LRP1B: variants seen among roughly 807,000 people sequenced by gnomAD.
The protein encoded by LRP1B is low-density lipoprotein receptor-related protein 1B.
A neutral mutation model predicts 556.6 loss-of-function variants in LRP1B; 217 were observed. The observed-to-expected ratio is 0.39, with a 90% confidence interval of 0.35 to 0.44. LRP1B has a LOEUF of 0.44. LRP1B is among the 20% of genes least tolerant of loss of function. LRP1B has a pLI of 1.00. For synonymous variants in LRP1B, 2,047 were observed against 1,865.8 expected, an observed-to-expected ratio of 1.10 and a Z score of -2.50; for missense variants, 5,053 against 5,620.8, an observed-to-expected ratio of 0.90 and a Z score of 3.23.
intron 1 of LRP1B, among the ~76,000 whole-genome samples, chr2:141,851,149 A>G (rs1697842212): frequency 6.6e-6 from 1 of 151,804 alleles, no homozygotes; most frequent in African/African-American, 2.4e-5. Context: ...AAATGCATAG[A>G]AATCACTGGC....
chr2:140,915,720 AAGG>A (rs1694555430), intron 21 of LRP1B, among the ~76,000 whole-genome samples: 1 of 151,872 alleles, frequency 6.6e-6, no homozygotes, highest in South Asian at 2.1e-4. Flanking sequence ...CCTGGACAAA[AAGG>A]AGAATTGTTT....
intron 41 of LRP1B, among the ~76,000 whole-genome samples, chr2:140,661,651 A>G (rs67621419): frequency 0.17 from 25,679 of 152,154 alleles, 2,542 homozygotes; most frequent in East Asian, 0.4. Context: ...TGGGCAACAG[A>G]GCAAGATCCA....
intron 31 of LRP1B, among the ~76,000 whole-genome samples, chr2:140,834,524 C>T (rs1246134683): frequency 6.6e-6 from 1 of 152,126 alleles, no homozygotes; most frequent in Non-Finnish European, 1.5e-5. Flanking sequence ...AAGCGTGAGC[C>T]CCCGCGCCTG....
At chr2:141,453,936 A>AC (rs1246360820) in intron 3 of LRP1B, among the ~76,000 whole-genome samples, 1 of 150,048 alleles carries the variant, frequency 6.7e-6, no homozygotes. Flanking sequence ...GAAAAAAAAA[A>AC]GTTCTAGTGT....
intron 2 of LRP1B, among the ~76,000 whole-genome samples, chr2:141,566,263 A>G (rs951572549): frequency 6.6e-6 from 1 of 152,150 alleles, no homozygotes; most frequent in Non-Finnish European, 1.5e-5. Flanking sequence ...AACTCTGCCA[A>G]AAACAAACCC....
intron 2 of LRP1B, among the ~76,000 whole-genome samples, chr2:141,793,051 T>C (rs566073313): frequency 6.6e-6 from 1 of 152,070 alleles, no homozygotes; most frequent in South Asian, 2.1e-4. Context: ...TTTGGTTGAC[T>C]CCTCTGCTTG....
chr2:142,029,587 C>T (rs1432106649), intron 1 of LRP1B, among the ~76,000 whole-genome samples: 1 of 151,838 alleles, frequency 6.6e-6, no homozygotes, highest in South Asian at 2.1e-4. Flanking sequence ...AAACAATTTA[C>T]TAAAAAAGTG....
At chr2:140,411,422 T>C (rs1179728819) in intron 66 of LRP1B, among the ~76,000 whole-genome samples, 2 of 152,134 alleles carry the variant, frequency 1.3e-5, no homozygotes, top group East Asian at 1.9e-4. Context: ...TTCAAATATA[T>C]ATACTCCATT....
At chr2:141,642,859 T>G (rs1188088537) in intron 2 of LRP1B, among the ~76,000 whole-genome samples, 2 of 152,146 alleles carry the variant, frequency 1.3e-5, no homozygotes, top group African/African-American at 4.8e-5. Context: ...GTAGCGAGTC[T>G]TTTTTACCTA....
At chr2:140,601,962 G>A (rs1441466) in intron 41 of LRP1B, among the ~76,000 whole-genome samples, 1 of 151,668 alleles carries the variant, frequency 6.6e-6, no homozygotes, top group Non-Finnish European at 1.5e-5. Flanking sequence ...AATATCCAAC[G>A]TGCAACAACT....
chr2:141,797,146 CAT>C (rs6146945), intron 2 of LRP1B, among the ~76,000 whole-genome samples: 2,677 of 78,676 alleles, frequency 0.034, 33 homozygotes, highest in African/African-American at 0.063. Context: ...TGAAAATAAT[CAT>C]ATATATATAT....
chr2:140,678,114 G>A (rs1359805518), intron 41 of LRP1B, among the ~76,000 whole-genome samples: 1 of 152,090 alleles, frequency 6.6e-6, no homozygotes, highest in East Asian at 1.9e-4. Flanking sequence ...TCTTAATCAT[G>A]ATACTCCAAT....
At chr2:140,367,706 T>C (rs753278674) in intron 71 of LRP1B, among the ~76,000 whole-genome samples, 12 of 151,810 alleles carry the variant, frequency 7.9e-5, no homozygotes, top group Non-Finnish European at 1.3e-4. Context: ...AGTGAGTATA[T>C]TGCCTTAACT....
At chr2:141,119,386 T>C (rs1700986825) in intron 7 of LRP1B, among the ~76,000 whole-genome samples, 1 of 151,890 alleles carries the variant, frequency 6.6e-6, no homozygotes, top group South Asian at 2.1e-4. Context: ...TGCATTCTCT[T>C]TCAAAACATT....
chr2:141,959,834 C>T (rs1701353176), intron 1 of LRP1B, among the ~76,000 whole-genome samples: 1 of 151,818 alleles, frequency 6.6e-6, no homozygotes, highest in African/African-American at 2.4e-5. Flanking sequence ...TGGCTGGTAG[C>T]TACTGCATTG....
intron 1 of LRP1B, among the ~76,000 whole-genome samples, chr2:141,866,975 G>A (rs1236487397): frequency 6.6e-6 from 1 of 152,112 alleles, no homozygotes; most frequent in Non-Finnish European, 1.5e-5. Context: ...CTGTGGAGTG[G>A]ATGACGTATC....
At position 140,323,961 on chromosome 2, in the gene LRP1B, T is replaced by A; in HGVS notation, c.12446A>T (p.Glu4149Val). 2.5e-6 allele frequency: 4 copies of A among 1,600,398 alleles called. No homozygotes were observed. The highest frequency in any genetic ancestry group is 3.4e-6 in the Non-Finnish European group (4 of 1,168,174). Residue 4149 changes from glutamate (E) to valine (V), a missense_variant, in exon 81 of 91, where the codon GAG becomes GTG. Physicochemically the swap from Glu to Val is moderately radical, Grantham distance 121. This residue lies in a region of LRP1B where 551 missense variants were observed against 592.0 expected (regional missense o/e 0.93). Coordinates refer to ENST00000389484, the MANE Select transcript of LRP1B (RefSeq NM_018557.3). Reference sequence around the variant, plus strand: ...TTTATCAATATTTAAAGCTAAGTACTCTACTGAACCATGGCCAAATTTTTG... The same window carrying A: ...TTTATCAATATTTAAAGCTAAGTACACTACTGAACCATGGCCAAATTTTTG... Reference protein sequence around the residue: ...RVQKFGHGSVEYLALNIDKTK... With the variant: ...RVQKFGHGSVVYLALNIDKTK...
intron 35 of LRP1B, among the ~76,000 whole-genome samples, chr2:140,742,192 G>C (rs1465981216): frequency 6.6e-6 from 1 of 152,150 alleles, no homozygotes; most frequent in Non-Finnish European, 1.5e-5. Context: ...TCTCGTATTT[G>C]TCATAGGACC....
intron 3 of LRP1B, among the ~76,000 whole-genome samples, chr2:141,403,780 G>A (rs1690529679): frequency 6.6e-6 from 1 of 152,218 alleles, no homozygotes; most frequent in Non-Finnish European, 1.5e-5. Context: ...AGCGAATTCA[G>A]GTAATTCCAA....
Sources: allele counts gnomAD v4.1 joint callset (sites outside exome capture counted in the v4.1 genomes callset), GRCh38; gene constraint gnomAD v4.1.1; regional missense constraint gnomAD v4.1.1; transcripts MANE v1.5; gene names NCBI Gene and HGNC (gene_info 2026-07-23, HGNC 2026-07-21).